Variants in ARHGAP31 observed in about 807,000 individuals in gnomAD.
ARHGAP31 encodes rho GTPase-activating protein 31.
In ARHGAP31, 34 loss-of-function variants were observed where a neutral mutation model predicts 113.9. The observed-to-expected ratio is 0.30, with a 90% CI of 0.23 to 0.40. The LOEUF (loss-of-function observed/expected upper bound fraction) is 0.40. Among genes scored for constraint, ARHGAP31 ranks in the 10% least tolerant of loss-of-function variants. The probability of loss-of-function intolerance (pLI) is 1.00; values close to 1 mark genes in which losing one functional copy is unlikely to be tolerated. For missense variants in ARHGAP31, 1,548 were observed against 1,767.1 expected (o/e 0.88, Z 2.22); for synonymous variants, 650 against 684.8 (o/e 0.95, Z 0.79).
intron 2 of ARHGAP31, among the ~76,000 whole-genome samples, chr3:119,367,965 C>T (rs2080264494): frequency 6.6e-6 from 1 of 151,922 alleles, no homozygotes; most frequent in Non-Finnish European, 1.5e-5. Context: ...AGATGAGCGA[C>T]AACAACCTGA....
At chr3:119,295,905 A>G (rs1460774174) in intron 1 of ARHGAP31, among the ~76,000 whole-genome samples, 3 of 152,198 alleles carry the variant, frequency 2.0e-5, no homozygotes, top group African/African-American at 4.8e-5. Context: ...TGAGCATTAA[A>G]TGACTCCTTT....
At chr3:119,315,018 C>G (rs916634174) in intron 1 of ARHGAP31, among the ~76,000 whole-genome samples, 1 of 152,186 alleles carries the variant, frequency 6.6e-6, no homozygotes, top group Non-Finnish European at 1.5e-5. Flanking sequence ...TGTGCCTCCC[C>G]CAAGCCCTGA....
intron 1 of ARHGAP31, among the ~76,000 whole-genome samples, chr3:119,330,140 G>A (rs183694843): frequency 6.6e-6 from 1 of 152,314 alleles, no homozygotes; most frequent in Admixed American, 6.5e-5. Flanking sequence ...AACAGCAAAT[G>A]AAGCTCAAAG....
chr3:119,348,767 C>CT (rs1314685179), intron 1 of ARHGAP31, among the ~76,000 whole-genome samples: 1 of 151,950 alleles, frequency 6.6e-6, no homozygotes, highest in Non-Finnish European at 1.5e-5. Flanking sequence ...CACAGCCATC[C>CT]TTTTTTTTCT....
At chr3:119,409,823 C>T (rs1352992008) in intron 11 of ARHGAP31, 47 bp downstream of exon 11, 3 of 1,528,922 alleles carry the variant, frequency 2.0e-6, no homozygotes, top group Non-Finnish European at 2.6e-6. Flanking sequence ...GTTATTTTTT[C>T]CCAAGGGCTC....
chr3:119,358,499 A>G (rs1051222110), intron 1 of ARHGAP31, among the ~76,000 whole-genome samples: 2 of 152,228 alleles, frequency 1.3e-5, no homozygotes, highest in African/African-American at 4.8e-5. Flanking sequence ...CCTTGGATAT[A>G]TATCCAAGAG....
intron 1 of ARHGAP31, among the ~76,000 whole-genome samples, chr3:119,343,544 C>G (rs1001231142): frequency 6.6e-6 from 1 of 152,202 alleles, no homozygotes; most frequent in East Asian, 1.9e-4. Context: ...TCTTCCTCTT[C>G]GCTTTTCCAG....
intron 10 of ARHGAP31, among the ~76,000 whole-genome samples, chr3:119,404,062 A>C (rs997407160): frequency 6.6e-6 from 1 of 152,144 alleles, no homozygotes; most frequent in Non-Finnish European, 1.5e-5. Flanking sequence ...TCGGGGTATC[A>C]AGTGATGCCT....
intron 8 of ARHGAP31, among the ~76,000 whole-genome samples, chr3:119,395,450 G>C (rs2080542620): frequency 6.6e-6 from 1 of 152,222 alleles, no homozygotes; most frequent in Non-Finnish European, 1.5e-5. Context: ...TGTCCCAGCT[G>C]TGTCCCCCTT....
intron 6 of ARHGAP31, among the ~76,000 whole-genome samples, chr3:119,389,243 G>A (rs1026245323): frequency 6.6e-6 from 1 of 152,158 alleles, no homozygotes; most frequent in Non-Finnish European, 1.5e-5. Context: ...GCGGGCCTTA[G>A]TCCTAGGAGC....
chr3:119,370,481 T>C (rs1447698543), intron 3 of ARHGAP31, among the ~76,000 whole-genome samples: 1 of 152,176 alleles, frequency 6.6e-6, no homozygotes, highest in Middle Eastern at 3.2e-3. Flanking sequence ...GGAGAAAGTA[T>C]AAATCTCAAA....
chr3:119,404,210 C>G (rs1173215522), intron 10 of ARHGAP31, among the ~76,000 whole-genome samples: 1 of 152,152 alleles, frequency 6.6e-6, no homozygotes, highest in African/African-American at 2.4e-5. Context: ...ATTTGTTATC[C>G]TCTCTGGAAG....
At chr3:119,381,499 A>G (rs549640075) in intron 4 of ARHGAP31, among the ~76,000 whole-genome samples, 10 of 152,288 alleles carry the variant, frequency 6.6e-5, no homozygotes, top group Admixed American at 1.3e-4. Context: ...ACAAGGGGGC[A>G]GATTTTGATG....
At chr3:119,410,079 C>G (rs1216260018) in intron 11 of ARHGAP31, among the ~76,000 whole-genome samples, 1 of 152,188 alleles carries the variant, frequency 6.6e-6, no homozygotes, top group Non-Finnish European at 1.5e-5. Context: ...TAATGACATT[C>G]AATCCCAGAA....
At chr3:119,345,077 C>T (rs931199935) in intron 1 of ARHGAP31, among the ~76,000 whole-genome samples, 12 of 151,892 alleles carry the variant, frequency 7.9e-5, no homozygotes, top group African/African-American at 2.2e-4. Flanking sequence ...CTCTGCCTCC[C>T]GGGTTCACGC....
rs537179477 is a variant in ARHGAP31, at chr3:119,356,630, CA to C, written c.101-8675del. Among the ~76,000 whole-genome samples, 777 of 114,502 alleles carry C rather than the reference CA, an allele frequency of 6.8e-3. 10 individuals are homozygous for C. Among genetic ancestry groups the C allele is most frequent in the African/African-American group, 0.022 (696 of 32,032 alleles). The allele number at this position is 114,502 out of a possible 152,430, so 75.1% of individuals were successfully genotyped here. A position where few individuals can be genotyped will look rare whatever the true frequency, so the allele number is the denominator to read the frequency against. ...TGGGTGACAGAGTAAGACTCTGTCTCAAAAAAAAAAAGAAAAAAAAAGAAAA... is the reference window on the plus strand; with the variant it reads ...TGGGTGACAGAGTAAGACTCTGTCTCAAAAAAAAAAGAAAAAAAAAGAAAA... On this transcript the variant is annotated intron_variant, in intron 1 of 11. Coordinates refer to ENST00000264245, the MANE Select transcript of ARHGAP31 (RefSeq NM_020754.4).
chr3:119,317,709 G>A (rs1282069732), intron 1 of ARHGAP31, among the ~76,000 whole-genome samples: 1 of 152,102 alleles, frequency 6.6e-6, no homozygotes, highest in East Asian at 1.9e-4. Flanking sequence ...GAAAAAGAAA[G>A]GAAGGAGGAT....
intron 3 of ARHGAP31, among the ~76,000 whole-genome samples, chr3:119,370,791 T>C (rs1345282758): frequency 1.3e-5 from 2 of 152,216 alleles, no homozygotes; most frequent in African/African-American, 2.4e-5. Context: ...ACGTTCCTTT[T>C]ATAAACATTA....
chr3:119,356,402 A>G (rs764090227), intron 1 of ARHGAP31, among the ~76,000 whole-genome samples: 19 of 152,230 alleles, frequency 1.2e-4, no homozygotes, highest in Middle Eastern at 3.4e-3. Context: ...AGGCCGAGGC[A>G]GGTAGATCAC....
Sources: gnomAD v4.1 joint callset for allele counts (sites outside exome capture counted in the v4.1 genomes callset) on GRCh38, gnomAD v4.1.1 for gene constraint, MANE v1.5 for transcripts, NCBI Gene and HGNC (gene_info 2026-07-23, HGNC 2026-07-21) for gene names.